PLCB4: variants seen among roughly 807,000 people sequenced by gnomAD.
PLCB4 encodes the protein phospholipase C beta 4.
In PLCB4, 77 loss-of-function variants were observed where a neutral mutation model predicts 178.8. The observed-to-expected ratio is 0.43, with a 90% CI of 0.36 to 0.52. PLCB4 has a LOEUF of 0.52. Among genes scored for constraint, PLCB4 ranks in the 20% least tolerant of loss-of-function variants. PLCB4 has a pLI of 0.00. For missense variants in PLCB4, 1,024 were observed against 1,453.4 expected, an observed-to-expected ratio of 0.70 and a Z score of 4.80; for synonymous variants, 496 against 490.8, an observed-to-expected ratio of 1.01 and a Z score of -0.14.
chr20:9,368,561 C>T (rs1182421226), intron 9 of PLCB4, among the ~76,000 whole-genome samples: 1 of 152,144 alleles, frequency 6.6e-6, no homozygotes, highest in Non-Finnish European at 1.5e-5. Flanking sequence ...TTGGAAGCAT[C>T]CCTATATAAT....
At chr20:9,127,068 A>G (rs1328680348) in intron 2 of PLCB4, among the ~76,000 whole-genome samples, 1 of 152,132 alleles carries the variant, frequency 6.6e-6, no homozygotes, top group Non-Finnish European at 1.5e-5. Context: ...TCCACAAAAG[A>G]GAGTGGACGT....
At chr20:9,219,693 A>G (rs942084813) in intron 3 of PLCB4, among the ~76,000 whole-genome samples, 4 of 152,190 alleles carry the variant, frequency 2.6e-5, no homozygotes, top group African/African-American at 9.7e-5. Flanking sequence ...CTACTCTAGC[A>G]TCATTCACTT....
intron 25 of PLCB4, among the ~76,000 whole-genome samples, chr20:9,415,820 G>C (rs1297294984): frequency 6.6e-6 from 1 of 152,182 alleles, no homozygotes; most frequent in East Asian, 1.9e-4. Context: ...GGGCCCTGTA[G>C]AACTGCACAA....
intron 1 of PLCB4, among the ~76,000 whole-genome samples, chr20:9,078,569 C>T (rs1383139127): frequency 1.3e-5 from 2 of 151,966 alleles, no homozygotes; most frequent in African/African-American, 2.4e-5. Flanking sequence ...ACCATGTTGG[C>T]CACACTAGTC....
intron 18 of PLCB4, among the ~76,000 whole-genome samples, chr20:9,394,037 C>T (rs1302759045): frequency 6.6e-6 from 1 of 152,028 alleles, no homozygotes; most frequent in Non-Finnish European, 1.5e-5. Flanking sequence ...TCAGTTTGCC[C>T]CGTGCTCTAT....
At chr20:9,364,559 C>G (rs1295926647) in intron 8 of PLCB4, among the ~76,000 whole-genome samples, 1 of 152,230 alleles carries the variant, frequency 6.6e-6, no homozygotes, top group Non-Finnish European at 1.5e-5. Flanking sequence ...AAGTCTGGCA[C>G]AAATCACATG....
chr20:9,355,915 A>G (rs2034770170), intron 7 of PLCB4, among the ~76,000 whole-genome samples: 1 of 152,252 alleles, frequency 6.6e-6, no homozygotes, highest in African/African-American at 2.4e-5. Flanking sequence ...TCCCACCAAC[A>G]GTGCAAAAGT....
chr20:9,179,815 A>G (rs530803882), intron 2 of PLCB4, among the ~76,000 whole-genome samples: 1 of 152,304 alleles, frequency 6.6e-6, no homozygotes, highest in South Asian at 2.1e-4. Flanking sequence ...CCTCTTCCTC[A>G]AAGCTAGGGG....
intron 26 of PLCB4, 70 bp from the exon 27 acceptor site, chr20:9,421,227 C>A: frequency 2.5e-6 from 3 of 1,195,326 alleles, no homozygotes; most frequent in Admixed American, 2.2e-5. Context: ...TTTCTTACTT[C>A]CTGATTATTT....
At chr20:9,267,343 T>A (rs1261937634) in intron 3 of PLCB4, among the ~76,000 whole-genome samples, 1 of 152,182 alleles carries the variant, frequency 6.6e-6, no homozygotes, top group Admixed American at 6.5e-5. Flanking sequence ...TTCACTATGT[T>A]TGCTATGATT....
chr20:9,439,977 C>T (rs1342877718), intron 30 of PLCB4, among the ~76,000 whole-genome samples: 1 of 152,202 alleles, frequency 6.6e-6, no homozygotes, highest in African/African-American at 2.4e-5. Flanking sequence ...ATCAGTGACT[C>T]AGCTGATCTT....
intron 2 of PLCB4, among the ~76,000 whole-genome samples, chr20:9,145,427 C>A (rs1030784712): frequency 1.3e-5 from 2 of 151,958 alleles, no homozygotes; most frequent in African/African-American, 4.8e-5. Context: ...TTGACAAGTG[C>A]TCTCACATCA....
chr20:9,474,473 G>A (rs1042307280), intron 38 of PLCB4, among the ~76,000 whole-genome samples: 8 of 152,074 alleles, frequency 5.3e-5, no homozygotes, highest in African/African-American at 1.9e-4. Flanking sequence ...GGTGTAGTTG[G>A]TATAGAAGTT....
chr20:9,170,837 A>G (rs1276644056), intron 2 of PLCB4, among the ~76,000 whole-genome samples: 2 of 152,218 alleles, frequency 1.3e-5, no homozygotes, highest in Non-Finnish European at 2.9e-5. Flanking sequence ...GACTCTCAAA[A>G]TGGCCTGGAG....
At chr20:9,263,196 G>T (rs571980197) in intron 3 of PLCB4, among the ~76,000 whole-genome samples, 3 of 152,134 alleles carry the variant, frequency 2.0e-5, no homozygotes, top group Non-Finnish European at 2.9e-5. Context: ...CTGGCCAGGG[G>T]CAAGATCCCA....
chr20:9,145,104 C>T (rs908393217), intron 2 of PLCB4, among the ~76,000 whole-genome samples: 22 of 152,062 alleles, frequency 1.4e-4, no homozygotes, highest in Non-Finnish European at 2.4e-4. Flanking sequence ...ACTGGGGTAA[C>T]TGAGATAGTG....
At chr20:9,265,768 A>G (rs1340094138) in intron 3 of PLCB4, among the ~76,000 whole-genome samples, 1 of 152,190 alleles carries the variant, frequency 6.6e-6, no homozygotes, top group Non-Finnish European at 1.5e-5. Context: ...ATTCTTACAG[A>G]AACTTCTAGC....
At chr20:9,457,953 T>C (rs1013074802) in intron 34 of PLCB4, among the ~76,000 whole-genome samples, 1 of 152,178 alleles carries the variant, frequency 6.6e-6, no homozygotes, top group Non-Finnish European at 1.5e-5. Flanking sequence ...GCCTAATTAC[T>C]CACATTTTCT....
In PLCB4 at chr20:9,258,447, T is replaced by A. The variant is rs6118545; in HGVS notation, c.-16+40995T>A. Among the ~76,000 whole-genome samples, 1,442 of 152,160 alleles carry A rather than the reference T, an allele frequency of 9.5e-3. 16 individuals carry two copies. The highest frequency in any genetic ancestry group is 0.048 in the South Asian group (232 of 4,822). On this transcript the variant is annotated intron_variant, in intron 3 of 39. Coordinates refer to ENST00000378473, the MANE Select transcript of PLCB4 (RefSeq NM_001377142.1). ...AAGATAATTTCTAGGCCGGGCATGG[T>A]GACTCATGCCTATAATCCCAGCACT...
Sources: gnomAD v4.1 joint callset for allele counts (sites outside exome capture counted in the v4.1 genomes callset) on GRCh38, gnomAD v4.1.1 for gene constraint, MANE v1.5 for transcripts, NCBI Gene and HGNC (gene_info 2026-07-23, HGNC 2026-07-21) for gene names.